Variants in SLC2A13 observed in about 807,000 individuals in gnomAD.
SLC2A13 encodes the protein solute carrier family 2 member 13.
A neutral mutation model predicts 64.4 loss-of-function variants in SLC2A13; 32 were observed. That is an observed-to-expected ratio of 0.50 (90% CI 0.37 to 0.67). The LOEUF (loss-of-function observed/expected upper bound fraction) is 0.67, where lower values mean the gene tolerates loss of function less well. Ranked by LOEUF, SLC2A13 falls within the 30% of genes least tolerant of loss-of-function variation. SLC2A13 has a pLI of 0.00. For synonymous variants in SLC2A13, 338 were observed against 327.1 expected, an observed-to-expected ratio of 1.03 and a Z score of -0.36; for missense variants, 743 against 829.2, an observed-to-expected ratio of 0.90 and a Z score of 1.28.
At chr12:40,029,083 G>C (rs1322563005) in intron 2 of SLC2A13, among the ~76,000 whole-genome samples, 1 of 152,024 alleles carries the variant, frequency 6.6e-6, no homozygotes, top group African/African-American at 2.4e-5. Context: ...AAAAAAGATG[G>C]AGTCAGAAAT....
Position 39,942,249 on chromosome 12 carries a change from T to C in SLC2A13, c.1034+9008A>G, listed in dbSNP as rs1034101171. 1.2e-4 allele frequency among the ~76,000 whole-genome samples: 18 copies of C among 152,164 alleles called. 1 individual carries two copies. Among genetic ancestry groups the C allele is most frequent in the Non-Finnish European group, 4.4e-5 (3 of 68,020 alleles). On this transcript the variant is annotated intron_variant, in intron 4 of 9. Transcript: ENST00000280871. ...TGTTTTTTTCTAATTCTGTGAAGAA[T>C]GATGGTGGTAGTCTGATGGGGATTG... is the stretch of plus-strand genomic sequence containing the variant.
At chr12:40,016,782 T>A (rs946134818) in intron 3 of SLC2A13, among the ~76,000 whole-genome samples, 1 of 152,172 alleles carries the variant, frequency 6.6e-6, no homozygotes. Flanking sequence ...ATAAATCACA[T>A]GAGATTTTAT....
At chr12:39,944,465 G>C (rs1400203577) in intron 4 of SLC2A13, among the ~76,000 whole-genome samples, 1 of 152,150 alleles carries the variant, frequency 6.6e-6, no homozygotes, top group Non-Finnish European at 1.5e-5. Flanking sequence ...CACTATTATT[G>C]TGTTGCTGTC....
chr12:39,863,173 A>T (rs1943807253), intron 6 of SLC2A13, among the ~76,000 whole-genome samples: 1 of 152,146 alleles, frequency 6.6e-6, no homozygotes, highest in Admixed American at 6.5e-5. Context: ...CACTTCTCTT[A>T]CCTCATTAAA....
At chr12:39,789,801 C>A (rs184061929) in intron 7 of SLC2A13, among the ~76,000 whole-genome samples, 2 of 152,148 alleles carry the variant, frequency 1.3e-5, no homozygotes, top group African/African-American at 4.8e-5. Context: ...AGAGCTTGAG[C>A]CCCCATTTCA....
At chr12:39,974,442 G>A (rs560239985) in intron 3 of SLC2A13, among the ~76,000 whole-genome samples, 16 of 152,278 alleles carry the variant, frequency 1.1e-4, no homozygotes, top group Middle Eastern at 3.4e-3. Context: ...GGATGATGAC[G>A]CAAACCAAGA....
chr12:40,009,321 T>C (rs1168651168), intron 3 of SLC2A13, among the ~76,000 whole-genome samples: 1 of 152,198 alleles, frequency 6.6e-6, no homozygotes, highest in Non-Finnish European at 1.5e-5. Context: ...TCATAAATGA[T>C]GAAAACATTT....
chr12:39,761,592 T>TA (rs1940148445), intron 9 of SLC2A13, among the ~76,000 whole-genome samples: 1 of 149,190 alleles, frequency 6.7e-6, no homozygotes, highest in Admixed American at 6.8e-5. Context: ...AAAAGGGTGA[T>TA]ACTGATAAGC....
At chr12:40,087,373 C>A (rs1205924771) in intron 1 of SLC2A13, among the ~76,000 whole-genome samples, 1 of 152,166 alleles carries the variant, frequency 6.6e-6, no homozygotes, top group Admixed American at 6.5e-5. Context: ...TGTGTTTCTT[C>A]CATTCATCAG....
At chr12:39,793,276 C>A (rs1157815142) in intron 7 of SLC2A13, among the ~76,000 whole-genome samples, 1 of 152,022 alleles carries the variant, frequency 6.6e-6, no homozygotes, top group Non-Finnish European at 1.5e-5. Context: ...AGAAATCTGA[C>A]AAAAGACGTG....
intron 3 of SLC2A13, among the ~76,000 whole-genome samples, chr12:40,002,795 C>T (rs1483304184): frequency 1.3e-5 from 2 of 151,420 alleles, no homozygotes; most frequent in Non-Finnish European, 2.9e-5. Flanking sequence ...AAATGCCTAG[C>T]ATGTATGGGG....
intron 5 of SLC2A13, 138 bp from the exon 6 acceptor site, chr12:39,865,020 T>C: frequency 1.4e-6 from 1 of 738,604 alleles, no homozygotes; most frequent in South Asian, 2.6e-5. Flanking sequence ...CTATCTTCAC[T>C]GGATTTTTAA....
At position 39,759,974 on chromosome 12, in the gene SLC2A13, GTTC is replaced by G; in HGVS notation, c.*49_*51del. The G allele has an allele frequency of 7.0e-7, 1 of 1,435,386 alleles. No individual in the cohort carries two copies. Among genetic ancestry groups the G allele is most frequent in the Non-Finnish European group, 9.7e-7 (1 of 1,026,614 alleles). The allele number at this position is 1,435,386 out of a possible 1,614,324, so 88.9% of individuals were successfully genotyped here. A position where few individuals can be genotyped will look rare whatever the true frequency, so the allele number is the denominator to read the frequency against. ...CAGGGCAGTGAAGTCACCAATTGCT[GTTC>G]TTCTCCCCCCAGTTTGTTTAAATAA... On this transcript the variant is annotated 3_prime_UTR_variant, in exon 10 of 10. Transcript: ENST00000280871.
intron 4 of SLC2A13, among the ~76,000 whole-genome samples, chr12:39,912,863 G>A (rs936724730): frequency 6.6e-6 from 1 of 152,056 alleles, no homozygotes; most frequent in African/African-American, 2.4e-5. Flanking sequence ...GGACAAGTAC[G>A]TGGCCTACAT....
At chr12:40,031,353 G>A (rs28370683) in intron 2 of SLC2A13, among the ~76,000 whole-genome samples, 10,165 of 152,216 alleles carry the variant, frequency 0.067, 679 homozygotes, top group East Asian at 0.38. Flanking sequence ...CTCCTGAGTA[G>A]CTGGGACTAC....
chr12:40,083,957 T>C (rs1425435473), intron 1 of SLC2A13, among the ~76,000 whole-genome samples: 1 of 152,192 alleles, frequency 6.6e-6, no homozygotes, highest in Non-Finnish European at 1.5e-5. Flanking sequence ...CCCATTTCGA[T>C]CAACACCAGG....
intron 3 of SLC2A13, among the ~76,000 whole-genome samples, chr12:39,974,737 C>T (rs1469982400): frequency 1.3e-5 from 2 of 152,146 alleles, no homozygotes; most frequent in Non-Finnish European, 2.9e-5. Context: ...TGATGAATAT[C>T]ACTGAATACC....
chr12:39,988,171 G>A (rs753496580), intron 3 of SLC2A13, among the ~76,000 whole-genome samples: 3 of 152,046 alleles, frequency 2.0e-5, no homozygotes, highest in Non-Finnish European at 4.4e-5. Context: ...ATGCTGGGCC[G>A]AAAGTTTTGT....
intron 1 of SLC2A13, among the ~76,000 whole-genome samples, chr12:40,063,686 T>C (rs956159483): frequency 6.6e-6 from 1 of 152,140 alleles, no homozygotes; most frequent in African/African-American, 2.4e-5. Flanking sequence ...GGGCTATTTA[T>C]AACCGGAAGA....
Sources: allele counts gnomAD v4.1 joint callset (sites outside exome capture counted in the v4.1 genomes callset), GRCh38; gene constraint gnomAD v4.1.1; transcripts MANE v1.5; gene names NCBI Gene and HGNC (gene_info 2026-07-23, HGNC 2026-07-21).